The following COPS2 variants were observed in gnomAD, a reference collection of about 807,000 sequenced individuals.
The protein encoded by COPS2 is COP9 signalosome subunit 2, also known as COP9 signalosome complex subunit 2.
In COPS2, 10 loss-of-function variants were observed where a neutral mutation model predicts 66.1. The observed-to-expected ratio is 0.15, with a 90% CI of 0.09 to 0.26. COPS2 has a LOEUF of 0.26. COPS2 is among the 10% of genes least tolerant of loss of function. The pLI, the probability that COPS2 is intolerant of heterozygous loss-of-function variation, is 1.00. For synonymous variants in COPS2, 179 were observed against 171.3 expected, an observed-to-expected ratio of 1.04 and a Z score of -0.35; for missense variants, 215 against 513.3, an observed-to-expected ratio of 0.42 and a Z score of 5.62.
At chr15:49,131,269 T>C (rs899999881) in intron 9 of COPS2, among the ~76,000 whole-genome samples, 20 of 152,054 alleles carry the variant, frequency 1.3e-4, no homozygotes, top group African/African-American at 4.8e-4. Flanking sequence ...AAGCATATCC[T>C]CTGTGTAGGT....
intron 6 of COPS2, 26 bp downstream of exon 6, chr15:49,137,124 T>C (rs1595821773): frequency 1.4e-6 from 2 of 1,457,166 alleles, no homozygotes; most frequent in South Asian, 2.6e-5. Flanking sequence ...TGAAGAAATA[T>C]TCAGAAAAAA....
intron 9 of COPS2, 34 bp from the exon 10 acceptor site, chr15:49,130,850 C>T: frequency 8.5e-7 from 1 of 1,179,186 alleles, no homozygotes; most frequent in Non-Finnish European, 1.3e-6. Flanking sequence ...TTATGTCAAA[C>T]ATGAAGAAGT....
chr15:49,152,096 A>G (rs1479067822), intron 1 of COPS2, among the ~76,000 whole-genome samples: 1 of 151,794 alleles, frequency 6.6e-6, no homozygotes, highest in Non-Finnish European at 1.5e-5. Context: ...CAATTTTCCA[A>G]AAAACAATAC....
intron 1 of COPS2, among the ~76,000 whole-genome samples, chr15:49,148,977 A>G (rs967633905): frequency 5.3e-5 from 8 of 152,220 alleles, no homozygotes; most frequent in Non-Finnish European, 1.5e-5. Context: ...TGAAAAAGAG[A>G]TAATTTGTAA....
intron 9 of COPS2, among the ~76,000 whole-genome samples, chr15:49,133,437 T>C (rs2141124532): frequency 6.6e-6 from 1 of 152,356 alleles, no homozygotes; most frequent in Non-Finnish European, 1.5e-5. Context: ...AAGAGAGGTA[T>C]AGGCAGTATC....
At chr15:49,147,976 A>G (rs2084332938) in intron 1 of COPS2, among the ~76,000 whole-genome samples, 1 of 152,186 alleles carries the variant, frequency 6.6e-6, no homozygotes, top group Non-Finnish European at 1.5e-5. Flanking sequence ...TATGATCTGC[A>G]ACGCCATGTT....
chr15:49,143,598 C>T (rs758352458), intron 3 of COPS2, among the ~76,000 whole-genome samples: 1 of 152,038 alleles, frequency 6.6e-6, no homozygotes, highest in Non-Finnish European at 1.5e-5. Context: ...ACGTTTTGGC[C>T]CTAGTCAATG....
Position 49,155,519 on chromosome 15 carries a change from C to T in COPS2, c.54+6G>A. On this transcript the variant is annotated splice_donor_region_variant and intron_variant, in intron 1 of 12. Transcript: ENST00000388901. ...CACCCTCAGAGTTCCATTCCCTGCG[C>T]CTCACCAGGTCGTAGTCCTCCTCAT... 6.2e-7 allele frequency: 1 copy of T among 1,614,112 alleles called. No individual in the cohort carries two copies. The highest frequency in any genetic ancestry group is 1.1e-5 in the South Asian group (1 of 91,082).
intron 6 of COPS2, among the ~76,000 whole-genome samples, chr15:49,135,889 ACTT>A (rs1341641764): frequency 6.6e-6 from 1 of 152,170 alleles, no homozygotes; most frequent in Admixed American, 6.5e-5. Flanking sequence ...TTAAAGCAAA[ACTT>A]CTTCAAAGGG....
At chr15:49,136,178 T>C (rs936569916) in intron 6 of COPS2, among the ~76,000 whole-genome samples, 2 of 152,098 alleles carry the variant, frequency 1.3e-5, no homozygotes, top group Non-Finnish European at 2.9e-5. Flanking sequence ...TAATACTACA[T>C]GGTGGCAAGC....
At chr15:49,146,188 TA>T (rs1373060087) in intron 1 of COPS2, among the ~76,000 whole-genome samples, 8 of 152,170 alleles carry the variant, frequency 5.3e-5, no homozygotes, top group African/African-American at 1.9e-4. Context: ...AGTGGCTTTG[TA>T]ATGTGCGCCC....
chr15:49,145,410 C>T (rs1392281900), intron 1 of COPS2, among the ~76,000 whole-genome samples: 3 of 152,086 alleles, frequency 2.0e-5, no homozygotes, highest in Admixed American at 6.6e-5. Flanking sequence ...GCTAAGCTTT[C>T]GTTAGTCATG....
chr15:49,152,613 G>C (rs1218252633), intron 1 of COPS2, among the ~76,000 whole-genome samples: 2 of 152,188 alleles, frequency 1.3e-5, no homozygotes, highest in Non-Finnish European at 2.9e-5. Context: ...CTTGAGGTCA[G>C]GAGTTCAAGA....
chr15:49,147,569 C>T (rs2084329299), intron 1 of COPS2, among the ~76,000 whole-genome samples: 1 of 151,988 alleles, frequency 6.6e-6, no homozygotes, highest in East Asian at 1.9e-4. Flanking sequence ...CCAATTATAA[C>T]ATTGTTAAAA....
chr15:49,136,902 C>A (rs1260095678), intron 6 of COPS2, among the ~76,000 whole-genome samples: 1 of 151,878 alleles, frequency 6.6e-6, no homozygotes, highest in Non-Finnish European at 1.5e-5. Context: ...GGTGGGAAGA[C>A]TGCTTCAGCC....
intron 6 of COPS2, among the ~76,000 whole-genome samples, chr15:49,136,508 T>A (rs1370257342): frequency 6.6e-6 from 1 of 152,184 alleles, no homozygotes; most frequent in Non-Finnish European, 1.5e-5. Context: ...ATTCCCAGTA[T>A]CACTTGAAGT....
At chr15:49,141,308 G>A (rs2084288261) in intron 3 of COPS2, among the ~76,000 whole-genome samples, 3 of 152,040 alleles carry the variant, frequency 2.0e-5, no homozygotes, top group Admixed American at 2.0e-4. Context: ...ACCAGCCTGA[G>A]CAACATGGTG....
rs181759386 is a variant in COPS2 at position 49,138,220 on chromosome 15, C to T, written c.373-783G>A. ...CTTGTTAAGTTCCCCTGCCCACCCT[C>T]TTCCCCCCGCTTCTGGCTTTGCCTT... On this transcript the variant is annotated intron_variant, in intron 4 of 12. Transcript: ENST00000388901. 6.3e-3 allele frequency among the ~76,000 whole-genome samples: 956 copies of T among 152,304 alleles called. 14 individuals are homozygous for T. The highest frequency in any genetic ancestry group is 0.022 in the African/African-American group (901 of 41,564).
At chr15:49,141,979 C>T (rs558594910) in intron 3 of COPS2, among the ~76,000 whole-genome samples, 22 of 152,304 alleles carry the variant, frequency 1.4e-4, no homozygotes, top group South Asian at 8.3e-4. Flanking sequence ...ACAGAACCTA[C>T]GAGTTAAACA....
Sources: gnomAD v4.1 joint callset for allele counts (sites outside exome capture counted in the v4.1 genomes callset) on GRCh38, gnomAD v4.1.1 for gene constraint, MANE v1.5 for transcripts, NCBI Gene and HGNC (gene_info 2026-07-23, HGNC 2026-07-21) for gene names.